Variants in WNK1 observed in about 807,000 individuals in gnomAD.
The protein encoded by WNK1 is serine/threonine-protein kinase WNK1.
A neutral mutation model predicts 222.8 loss-of-function variants in WNK1; 38 were observed. The ratio of observed to expected loss-of-function variants is 0.17; its 90% CI spans 0.13 to 0.22. The LOEUF (loss-of-function observed/expected upper bound fraction) is 0.22, where lower values mean the gene tolerates loss of function less well. Among genes scored for constraint, WNK1 ranks in the 10% least tolerant of loss-of-function variants. The pLI is 1.00. For synonymous variants in WNK1, 1,090 were observed against 1,092.9 expected (o/e 1.00, Z 0.05); for missense variants, 2,348 against 2,918.4 (o/e 0.80, Z 4.50).
chr12:890,658 G>A (rs766598443), intron 22 of WNK1, 145 bp downstream of exon 22: 6 of 885,206 alleles, frequency 6.8e-6, no homozygotes, highest in Middle Eastern at 2.2e-4. Flanking sequence ...TGAAAGATTA[G>A]CAAATTAATA....
intron 2 of WNK1, among the ~76,000 whole-genome samples, chr12:826,163 A>G (rs941903229): frequency 6.6e-6 from 1 of 152,234 alleles, no homozygotes; most frequent in Non-Finnish European, 1.5e-5. Context: ...CATTATGGAA[A>G]TGTTGTATAA....
At position 908,907 on chromosome 12, in the gene WNK1, T is replaced by C. The variant is rs1955917964; in HGVS notation, c.*115T>C. 8.3e-7 allele frequency: 1 copy of C among 1,206,810 alleles called. No individual in the cohort carries two copies. The highest frequency in any genetic ancestry group is 1.2e-6 in the Non-Finnish European group (1 of 845,042). 74.8% of individuals were successfully genotyped at this position (1,206,810 alleles called of 1,614,324 possible). A position where few individuals can be genotyped will look rare whatever the true frequency, so the allele number is the denominator to read the frequency against. On this transcript the variant is annotated 3_prime_UTR_variant, in exon 28 of 28. Transcript: ENST00000315939. The stretch of plus-strand genomic sequence containing the variant: ...ACTAGTGCTGCATTTAACTGGTTAT[T>C]TCTTGCCAGAGGGGAATGTTTTTAA...
intron 9 of WNK1, among the ~76,000 whole-genome samples, chr12:875,379 A>G (rs1952514201): frequency 6.6e-6 from 1 of 152,226 alleles, no homozygotes; most frequent in South Asian, 2.1e-4. Flanking sequence ...CAAACCAAAA[A>G]AGGTTAATGA....
At position 803,964 on chromosome 12, in the gene WNK1, C is replaced by G. The variant is rs567416085; in HGVS notation, c.760-9678C>G. 2.3e-4 allele frequency among the ~76,000 whole-genome samples: 35 copies of G among 152,226 alleles called. No homozygotes were observed. The East Asian group carries it at 6.4e-3, about 28-fold the overall frequency. Reference sequence around the variant, plus strand: ...ATATTAATGCAGACAACTCTATTTTCTAGTTACACTTATCAAGAGATTAGT... The same window carrying G: ...ATATTAATGCAGACAACTCTATTTTGTAGTTACACTTATCAAGAGATTAGT... On this transcript the variant is annotated intron_variant, in intron 1 of 27. Transcript: ENST00000315939.
chr12:803,315 TAAC>T (rs2153995151), intron 1 of WNK1, among the ~76,000 whole-genome samples: 1 of 152,310 alleles, frequency 6.6e-6, no homozygotes, highest in East Asian at 1.9e-4. Flanking sequence ...AGTACAGAAA[TAAC>T]ATTTATATAA....
chr12:868,596 A>C lies in WNK1; in HGVS notation c.2140-2669A>C, dbSNP rs1400617699. The C allele has an allele frequency of 5.6e-6, 9 of 1,613,870 alleles. No individual in the cohort carries two copies. The highest frequency in any genetic ancestry group is 7.6e-6 in the Non-Finnish European group (9 of 1,179,888). On this transcript the variant is annotated intron_variant, in intron 8 of 27. Coordinates refer to ENST00000315939, the MANE Select transcript of WNK1 (RefSeq NM_018979.4). ...CATTCTGCGCCTGCTGTGTTAACTC[A>C]TAACAATGAGAGCAGAAGCAACTGT...
At chr12:903,309 C>T (rs1955429572) in intron 26 of WNK1, among the ~76,000 whole-genome samples, 1 of 152,080 alleles carries the variant, frequency 6.6e-6, no homozygotes, top group Non-Finnish European at 1.5e-5. Flanking sequence ...GATCGTTTTC[C>T]AGGCTTGTGT....
In WNK1 at chr12:891,779, A is replaced by C. The variant is rs1010170831; in HGVS notation, c.5509+1266A>C. 9.2e-5 allele frequency among the ~76,000 whole-genome samples: 14 copies of C among 152,054 alleles called. 1 individual carries two copies. The East Asian group carries it at 2.5e-3, about 27-fold the overall frequency. ...TTTTCCTTTTTCACTATAGACAAAA[A>C]TTTAGCCAGCTGTGGTGGTGTATGC... On this transcript the variant is annotated intron_variant, in intron 22 of 27. Coordinates refer to ENST00000315939, the MANE Select transcript of WNK1 (RefSeq NM_018979.4).
chr12:879,852 A>G lies in WNK1; in HGVS notation c.2653A>G (p.Ile885Val). 1 of 1,614,110 alleles carries G rather than the reference A, an allele frequency of 6.2e-7. No homozygotes were observed. The highest frequency in any genetic ancestry group is 1.3e-5 in the African/African-American group (1 of 75,012). Residue 885 changes from isoleucine (I) to valine (V), a missense_variant, in exon 11 of 28, where the codon ATC (isoleucine) becomes GTC (valine). Physicochemically the swap from Ile to Val is conservative, Grantham distance 29. Around this residue, in one of 13 missense-constraint regions of WNK1, gnomAD observed 547 missense variants for 558.3 expected, o/e 0.98. Transcript: ENST00000315939. ...GGCTTCATCTGCTACAACAGCTGCG[A>G]TCCCGGGGGTATCAACTGTGGTTCC... is the stretch of plus-strand genomic sequence containing the variant. ...TLASSATTAAIPGVSTVVPSQ... is the reference protein window; with the variant it reads ...TLASSATTAAVPGVSTVVPSQ...
At chr12:807,845 G>A (rs934606480) in intron 1 of WNK1, among the ~76,000 whole-genome samples, 5 of 145,838 alleles carry the variant, frequency 3.4e-5, no homozygotes, top group African/African-American at 1.3e-4. Context: ...TCAGCCTCCC[G>A]AGTAGCTGGG....
chr12:782,902 C>CTT (rs552829869), intron 1 of WNK1, among the ~76,000 whole-genome samples: 5 of 146,554 alleles, frequency 3.4e-5, no homozygotes, highest in Admixed American at 2.0e-4. Flanking sequence ...AACATAGTTT[C>CTT]TTTTTTTTTT....
intron 4 of WNK1, among the ~76,000 whole-genome samples, chr12:852,046 C>T (rs1021909503): frequency 6.6e-6 from 1 of 152,062 alleles, no homozygotes; most frequent in Non-Finnish European, 1.5e-5. Flanking sequence ...TGTTACCCTA[C>T]GACATTTGAA....
intron 4 of WNK1, among the ~76,000 whole-genome samples, chr12:837,901 C>A (rs1346244014): frequency 1.3e-5 from 2 of 152,128 alleles, no homozygotes; most frequent in Non-Finnish European, 2.9e-5. Context: ...CTGTGCAACC[C>A]CTAATCTGTT....
chr12:754,272 A>T lies in WNK1; in HGVS notation c.707A>T (p.Tyr236Phe), dbSNP rs774337782. The T allele has an allele frequency of 5.6e-6, 9 of 1,613,618 alleles. No homozygotes were observed. The highest frequency in any genetic ancestry group is 7.6e-6 in the Non-Finnish European group (9 of 1,180,032). Residue 236 changes from tyrosine to phenylalanine, a missense_variant, in exon 1 of 28, where the codon TAC becomes TTC. By Grantham distance (22) the Tyr-to-Phe change is conservative. Around this residue, in one of 13 missense-constraint regions of WNK1, gnomAD observed 57 missense variants for 219.0 expected, o/e 0.26. Transcript: ENST00000315939. Reference protein sequence around the residue: ...EIGRGSFKTVYKGLDTETTVE... With the variant: ...EIGRGSFKTVFKGLDTETTVE... ...GGCAGAGGCTCCTTTAAGACGGTCTACAAAGGTCTGGACACTGAAACCACC... is the reference window on the plus strand; with the variant it reads ...GGCAGAGGCTCCTTTAAGACGGTCTTCAAAGGTCTGGACACTGAAACCACC...
chr12:882,825 G>A, intron 14 of WNK1, 118 bp from the exon 15 acceptor site: 1 of 733,550 alleles, frequency 1.4e-6, no homozygotes, highest in South Asian at 1.5e-5. Flanking sequence ...CCAAGGAACA[G>A]CGATAACACT....
chr12:908,792 G>C lies in WNK1; in HGVS notation c.7149G>C (p.Ter2383TyrextTer2). The C allele has an allele frequency of 1.5e-6, 2 of 1,352,558 alleles. No homozygotes were observed. The highest frequency in any genetic ancestry group is 2.0e-6 in the Non-Finnish European group (2 of 1,018,130). The allele number at this position is 1,352,558 out of a possible 1,614,324, so 83.8% of individuals were successfully genotyped here. A position where few individuals can be genotyped will look rare whatever the true frequency, so the allele number is the denominator to read the frequency against. The change falls in exon 28 of 28, where the codon TAG becomes TAC. Residue 2383 changes from the stop codon to tyrosine (Y), a stop_lost. Transcript: ENST00000315939. ...CAGGCTCCAACCTGCGGACCACTTAGACCTAGAGACATTAACTGAATAGAT... is the reference window on the plus strand; with the variant it reads ...CAGGCTCCAACCTGCGGACCACTTACACCTAGAGACATTAACTGAATAGAT... ...NPPGSNLRTT[*>Y]
Position 896,365 on chromosome 12 carries a change from G to C in WNK1, c.5878G>C (p.Val1960Leu). The change falls in exon 24 of 28, where the codon GTA becomes CTA. Residue 1960 changes from valine to leucine, a missense_variant. By Grantham distance (32) the Val-to-Leu change is conservative. Around this residue, in one of 13 missense-constraint regions of WNK1, gnomAD observed 1,144 missense variants for 1,273.6 expected, o/e 0.90. Transcript: ENST00000315939. ...TTANKVGRFSVSKTEDKITDT... is the reference protein window; with the variant it reads ...TTANKVGRFSLSKTEDKITDT... ...AGCAAACAAAGTGGGTCGTTTCTCTGTATCAAAAACTGAGGACAAGATCAC... is the reference window on the plus strand; with the variant it reads ...AGCAAACAAAGTGGGTCGTTTCTCTCTATCAAAAACTGAGGACAAGATCAC... The C allele has an allele frequency of 6.2e-7, 1 of 1,614,182 alleles. No individual in the cohort carries two copies. Among genetic ancestry groups the C allele is most frequent in the African/African-American group, 1.3e-5 (1 of 75,024 alleles).
At chr12:825,684 A>G (rs1361718446) in intron 2 of WNK1, among the ~76,000 whole-genome samples, 1 of 152,212 alleles carries the variant, frequency 6.6e-6, no homozygotes, top group Non-Finnish European at 1.5e-5. Flanking sequence ...TTTTACCTCA[A>G]CAAATAGAGA....
intron 4 of WNK1, chr12:851,541 C>T (rs1020505530): frequency 8.5e-6 from 10 of 1,173,560 alleles, no homozygotes; most frequent in African/African-American, 1.6e-5. Flanking sequence ...AAATTCCTGT[C>T]TGAGAGTTGG....
Sources: allele counts gnomAD v4.1 joint callset (sites outside exome capture counted in the v4.1 genomes callset), GRCh38; gene constraint gnomAD v4.1.1; regional missense constraint gnomAD v4.1.1; transcripts MANE v1.5; gene names NCBI Gene and HGNC (gene_info 2026-07-23, HGNC 2026-07-21).